SLC38A6: variants seen among roughly 807,000 people sequenced by gnomAD.
The protein encoded by SLC38A6 is solute carrier family 38 member 6.
SLC38A6 carries 73 observed loss-of-function variants against 65.0 expected under a neutral mutation model. That is an observed-to-expected ratio of 1.12 (90% CI 0.93 to 1.37). The LOEUF (loss-of-function observed/expected upper bound fraction) is 1.37. Ranked by LOEUF, SLC38A6 falls within the 40% of genes most tolerant of loss-of-function variation. The pLI, the probability that SLC38A6 is intolerant of heterozygous loss-of-function variation, is 0.00. For missense variants in SLC38A6, 561 were observed against 531.1 expected (o/e 1.06, Z -0.55); for synonymous variants, 183 against 178.8 (o/e 1.02, Z -0.19).
intron 15 of SLC38A6, among the ~76,000 whole-genome samples, chr14:61,061,600 G>A (rs1437825934): frequency 6.6e-6 from 1 of 152,182 alleles, no homozygotes; most frequent in Non-Finnish European, 1.5e-5. Flanking sequence ...CAATCCTATA[G>A]TATGTAGCCT....
At chr14:61,072,934 A>G (rs1477812630) in intron 15 of SLC38A6, among the ~76,000 whole-genome samples, 1 of 152,126 alleles carries the variant, frequency 6.6e-6, no homozygotes, top group Non-Finnish European at 1.5e-5. Context: ...CTCTATTTTT[A>G]GTTTTTTGAG....
At chr14:61,029,182 AT>A (rs1310690785) in intron 5 of SLC38A6, among the ~76,000 whole-genome samples, 1 of 146,888 alleles carries the variant, frequency 6.8e-6, no homozygotes, top group Non-Finnish European at 1.5e-5. Flanking sequence ...TTGAGGTGGA[AT>A]TTTGCTCTTT....
intron 15 of SLC38A6, among the ~76,000 whole-genome samples, chr14:61,065,908 C>G (rs2043004155): frequency 6.6e-6 from 1 of 152,106 alleles, no homozygotes; most frequent in Non-Finnish European, 1.5e-5. Flanking sequence ...GGCTGTAGTG[C>G]TGACACTGCC....
chr14:61,064,391 C>CA (rs1425501997), intron 15 of SLC38A6, among the ~76,000 whole-genome samples: 1 of 151,954 alleles, frequency 6.6e-6, no homozygotes, highest in African/African-American at 2.4e-5. Context: ...CCCCTGGGGG[C>CA]AATTGTTAAG....
chr14:61,031,349 T>C (rs1403175492), intron 6 of SLC38A6, among the ~76,000 whole-genome samples: 1 of 152,162 alleles, frequency 6.6e-6, no homozygotes, highest in African/African-American at 2.4e-5. Context: ...ATAATTGAAC[T>C]TGTTCTGGAA....
At chr14:60,982,220 A>G (rs955163394) in intron 1 of SLC38A6, 9 of 492,560 alleles carry the variant, frequency 1.8e-5, no homozygotes, top group African/African-American at 1.2e-4. Context: ...TTCCCATCCT[A>G]TCTTCATCTC....
chr14:61,006,457 A>G (rs2039126821), intron 3 of SLC38A6, among the ~76,000 whole-genome samples: 1 of 152,248 alleles, frequency 6.6e-6, no homozygotes, highest in South Asian at 2.1e-4. Flanking sequence ...TCTAGAATCT[A>G]CAATGAACTC....
At chr14:61,055,106 C>CTTTT (rs1280245361), downstream of SLC38A6, among the ~76,000 whole-genome samples, 632 of 63,130 alleles carry the variant, frequency 0.01, 8 homozygotes, top group Middle Eastern at 0.016. Context: ...AAGTCTTTTT[C>CTTTT]TTTTTTTTTT....
At chr14:61,008,458 A>T (rs1181877207) in intron 3 of SLC38A6, among the ~76,000 whole-genome samples, 2 of 152,122 alleles carry the variant, frequency 1.3e-5, no homozygotes, top group Admixed American at 6.5e-5. Flanking sequence ...TCTTGAGAAG[A>T]TTTATTGGAA....
At chr14:61,073,264 C>T (rs4899026) in intron 15 of SLC38A6, among the ~76,000 whole-genome samples, 88,937 of 151,972 alleles carry the variant, frequency 0.59, 27,701 homozygotes, top group Non-Finnish European at 0.69. Context: ...TTGAGTTCCT[C>T]ATATATTCTG....
chr14:61,010,225 G>A (rs534506800), intron 3 of SLC38A6, among the ~76,000 whole-genome samples: 14 of 151,976 alleles, frequency 9.2e-5, no homozygotes, highest in South Asian at 2.1e-4. Context: ...TTGTTGATGC[G>A]GTTGTTTTTT....
chr14:61,021,956 C>T (rs1245964247), intron 5 of SLC38A6, among the ~76,000 whole-genome samples: 1 of 152,082 alleles, frequency 6.6e-6, no homozygotes, highest in Non-Finnish European at 1.5e-5. Context: ...CAGTCTCTGC[C>T]ATTGGGTAGC....
chr14:61,023,185 T>C (rs867917854), intron 5 of SLC38A6, among the ~76,000 whole-genome samples: 3 of 152,200 alleles, frequency 2.0e-5, no homozygotes, highest in African/African-American at 4.8e-5. Context: ...TGAAAGACCA[T>C]AGAATGACTT....
chr14:61,082,647 A>G (rs1254929345), intron 16 of SLC38A6, among the ~76,000 whole-genome samples: 2 of 152,112 alleles, frequency 1.3e-5, no homozygotes, highest in African/African-American at 4.8e-5. Flanking sequence ...GGTGCCTTCC[A>G]CGTTGCTCAG....
intron 15 of SLC38A6, among the ~76,000 whole-genome samples, chr14:61,068,542 G>C (rs1371758100): frequency 6.6e-6 from 1 of 152,110 alleles, no homozygotes; most frequent in Non-Finnish European, 1.5e-5. Context: ...TCCCTACTTA[G>C]AGCATAATTT....
At chr14:61,012,231 C>T (rs1232037718) in intron 3 of SLC38A6, among the ~76,000 whole-genome samples, 4 of 152,052 alleles carry the variant, frequency 2.6e-5, no homozygotes, top group Non-Finnish European at 5.9e-5. Flanking sequence ...GTGGTGATAT[C>T]CCCTTTATCA....
downstream of SLC38A6, chr14:61,053,113 T>A (rs1169446650): frequency 6.6e-6 from 1 of 151,866 alleles, no homozygotes; most frequent in Non-Finnish European, 1.5e-5. Flanking sequence ...CACGTAGAAA[T>A]GAAGACATGC....
At chr14:61,011,218 A>G (rs950062393) in intron 3 of SLC38A6, among the ~76,000 whole-genome samples, 8 of 151,964 alleles carry the variant, frequency 5.3e-5, no homozygotes, top group South Asian at 2.1e-4. Flanking sequence ...TGTGATTTTT[A>G]CACATTGATT....
chr14:61,036,973 T>C (rs2041432273), intron 6 of SLC38A6, 86 bp from the exon 7 acceptor site: 1 of 667,864 alleles, frequency 1.5e-6, no homozygotes, highest in South Asian at 1.7e-5. Flanking sequence ...TGTGTGTGTG[T>C]GTGTGTGTGT....
Sources: allele counts gnomAD v4.1 joint callset (sites outside exome capture counted in the v4.1 genomes callset), GRCh38; gene constraint gnomAD v4.1.1; transcripts MANE v1.5; gene names NCBI Gene and HGNC (gene_info 2026-07-23, HGNC 2026-07-21).